The following BLM variants were observed in gnomAD, a reference collection of about 807,000 sequenced individuals.
BLM encodes the protein recQ-like DNA helicase BLM.
In BLM, 95 loss-of-function variants were observed where a neutral mutation model predicts 135.3. The observed-to-expected ratio is 0.70, with a 90% CI of 0.59 to 0.83. BLM has a LOEUF of 0.83. Among genes scored for constraint, BLM ranks in the 40% least tolerant of loss-of-function variants. The probability of loss-of-function intolerance (pLI) is 0.00; values close to 1 mark genes in which losing one functional copy is unlikely to be tolerated. For synonymous variants in BLM, 520 were observed against 589.2 expected (o/e 0.88, Z 1.70); for missense variants, 1,518 against 1,663.9 (o/e 0.91, Z 1.53).
At chr15:90,774,200 A>G (rs73498481) in intron 12 of BLM, among the ~76,000 whole-genome samples, 22,125 of 149,082 alleles carry the variant, frequency 0.15, 3,405 homozygotes, top group African/African-American at 0.39. Flanking sequence ...TCAGCCTCCC[A>G]AGTAGCTGGG....
intron 1 of BLM, among the ~76,000 whole-genome samples, chr15:90,731,892 G>C (rs904417351): frequency 6.6e-6 from 1 of 152,020 alleles, no homozygotes; most frequent in Non-Finnish European, 1.5e-5. Flanking sequence ...TAGAGATGAG[G>C]TTTCACCATG....
chr15:90,777,202 G>T (rs1295047722), intron 12 of BLM, among the ~76,000 whole-genome samples: 2 of 151,896 alleles, frequency 1.3e-5, no homozygotes, highest in East Asian at 3.9e-4. Flanking sequence ...CACTCTTGTT[G>T]CCCAGGCTGG....
chr15:90,785,753 G>A (rs28745031), intron 14 of BLM, among the ~76,000 whole-genome samples: 25,967 of 151,636 alleles, frequency 0.17, 2,288 homozygotes, highest in Non-Finnish European at 0.19. Context: ...AACTGGTCTC[G>A]AACTCCTGGC....
chr15:90,751,991 C>T (rs1264204410), intron 4 of BLM, 45 bp downstream of exon 4: 4 of 1,505,154 alleles, frequency 2.7e-6, no homozygotes, highest in Non-Finnish European at 3.7e-6. Context: ...TTCTGGGATA[C>T]TTTAAATTGT....
chr15:90,742,573 G>GT (rs1379301145), intron 1 of BLM, among the ~76,000 whole-genome samples: 1 of 151,524 alleles, frequency 6.6e-6, no homozygotes, highest in Non-Finnish European at 1.5e-5. Context: ...TTTCTGCTGT[G>GT]TTTTTCTCCA....
chr15:90,760,677 T>C lies in BLM; in HGVS notation c.1304T>C (p.Leu435Pro), dbSNP rs1315734510. Residue 435 changes from leucine to proline, a missense_variant, in exon 7 of 22, where the codon CTT (leucine) becomes CCT (proline). This residue lies in a region of BLM where 724 missense variants were observed against 756.9 expected (regional missense o/e 0.96). Coordinates refer to ENST00000355112, the MANE Select transcript of BLM (RefSeq NM_000057.4). ...TTGTGGAGATACAGGCCTGATTCAC[T>C]TGATGGCCCTATGGAGGGTGATTCC... ...GSLWRYRPDS[L>P]DGPMEGDSCP... 3 of 1,613,942 alleles carry C rather than the reference T, an allele frequency of 1.9e-6. No homozygotes were observed. Among genetic ancestry groups the C allele is most frequent in the East Asian group, 4.5e-5 (2 of 44,900 alleles).
At chr15:90,731,617 T>C (rs1191035271) in intron 1 of BLM, among the ~76,000 whole-genome samples, 1 of 152,146 alleles carries the variant, frequency 6.6e-6, no homozygotes, top group Non-Finnish European at 1.5e-5. Flanking sequence ...TTTTAAGGAA[T>C]GTGTCCATCT....
intron 12 of BLM, among the ~76,000 whole-genome samples, chr15:90,777,212 G>A (rs758946198): frequency 5.3e-5 from 8 of 151,914 alleles, no homozygotes; most frequent in African/African-American, 9.7e-5. Context: ...GCCCAGGCTG[G>A]AGTACAGTAG....
intron 1 of BLM, among the ~76,000 whole-genome samples, chr15:90,723,070 G>C (rs1354870720): frequency 6.6e-6 from 1 of 152,028 alleles, no homozygotes; most frequent in Non-Finnish European, 1.5e-5. Flanking sequence ...TTAAACTCCT[G>C]ACCTCAGGTA....
intron 14 of BLM, among the ~76,000 whole-genome samples, chr15:90,785,349 A>G (rs1009118998): frequency 2.0e-5 from 3 of 152,102 alleles, no homozygotes; most frequent in Non-Finnish European, 4.4e-5. Context: ...GCAAAGTTGT[A>G]CAATAATCAT....
At chr15:90,720,636 T>C (rs1005204405) in intron 1 of BLM, among the ~76,000 whole-genome samples, 1 of 151,918 alleles carries the variant, frequency 6.6e-6, no homozygotes, top group Admixed American at 6.6e-5. Flanking sequence ...TTTCTTTTCT[T>C]TTTTTTTGAG....
At chr15:90,808,972 GC>G (rs1272246563) in intron 19 of BLM, 164 bp from the exon 20 acceptor site, 1 of 873,526 alleles carries the variant, frequency 1.1e-6, no homozygotes, top group Non-Finnish European at 1.9e-6. Flanking sequence ...CCTGTCTGCT[GC>G]CTCTGAGGTG....
intron 17 of BLM, among the ~76,000 whole-genome samples, chr15:90,800,712 C>T (rs74412001): frequency 0.15 from 23,041 of 150,458 alleles, 1,872 homozygotes; most frequent in Non-Finnish European, 0.19. Context: ...GCCCACCCAA[C>T]GTAGAGAGAG....
chr15:90,815,018 T>C lies in BLM; in HGVS notation c.4077-84T>C, dbSNP rs979825415. ...ACACATTAGGCCCAGGGAAGTGGTATTGTAGCTCTGTGCAGGTTGAGAGGA... is the reference window on the plus strand; with the variant it reads ...ACACATTAGGCCCAGGGAAGTGGTACTGTAGCTCTGTGCAGGTTGAGAGGA... On this transcript the variant is annotated intron_variant, in intron 21 of 21. Coordinates refer to ENST00000355112, the MANE Select transcript of BLM (RefSeq NM_000057.4). This position sits in a 1 kb window ranked among gnomAD's most constrained non-coding sequence, Gnocchi z 4.6. 3 of 1,372,896 alleles carry C rather than the reference T, an allele frequency of 2.2e-6. No individual in the cohort carries two copies. The highest frequency in any genetic ancestry group is 1.5e-5 in the African/African-American group (1 of 67,302). The allele number at this position is 1,372,896 out of a possible 1,614,324, so 85.0% of individuals were successfully genotyped here.
rs775197136 is a variant in BLM at position 90,749,663 on chromosome 15, G to A, written c.395G>A (p.Arg132Gln). ...AACACACCAACTGTAAAGAAATCCC[G>A]GGATACTGCTCTCAAGAAATTAGAA... ...TQNTPTVKKS[R>Q]DTALKKLEFS... Residue 132 changes from arginine (R) to glutamine (Q), a missense_variant, in exon 3 of 22, where the codon CGG becomes CAG. Arg to Gln is a conservative substitution (Grantham distance 43). This residue lies in a region of BLM where 724 missense variants were observed against 756.9 expected (regional missense o/e 0.96). Transcript: ENST00000355112. 1.7e-5 allele frequency: 28 copies of A among 1,613,936 alleles called. No individual in the cohort carries two copies. Among genetic ancestry groups the A allele is most frequent in the Middle Eastern group, 1.6e-4 (1 of 6,084 alleles).
chr15:90,780,866 G>T lies in BLM; in HGVS notation c.2556-1956G>T, dbSNP rs564610387. On this transcript the variant is annotated intron_variant, in intron 12 of 21. Transcript: ENST00000355112. The stretch of plus-strand genomic sequence containing the variant: ...GAGTATTATAAGTAATCTAGAGATG[G>T]TTTAAAGTGTGCAGGAGGATGTGCA... 1.3e-3 allele frequency among the ~76,000 whole-genome samples: 199 copies of T among 152,300 alleles called. 2 individuals are homozygous for T. The highest frequency in any genetic ancestry group is 1.6e-3 in the Non-Finnish European group (106 of 68,026).
rs1897412964 is a variant in BLM, at chr15:90,811,304, A to G, written c.3974A>G (p.Tyr1325Cys). ...GAGGAAATACCCGTATCTTCCCACT[A>G]CTTTGCAAGTAAAACCAGAAATGAA... ...LDEEIPVSSH[Y>C]FASKTRNERK... Residue 1325 changes from tyrosine to cysteine, a missense_variant, in exon 21 of 22, where the codon TAC becomes TGC. Coordinates refer to ENST00000355112, the MANE Select transcript of BLM (RefSeq NM_000057.4). 4 of 1,614,052 alleles carry G rather than the reference A, an allele frequency of 2.5e-6. No homozygotes were observed. The South Asian group carries it at 4.4e-5, about 18-fold the overall frequency.
chr15:90,760,774 C>T lies in BLM; in HGVS notation c.1401C>T (p.Asp467=), dbSNP rs771486194. 6.2e-7 allele frequency: 1 copy of T among 1,613,892 alleles called. No homozygotes were observed. Among genetic ancestry groups the T allele is most frequent in the African/African-American group, 1.3e-5 (1 of 74,902 alleles). ...HLPSNSVSPG[D]CLLTTTLGKT... Reference sequence around the variant, plus strand: ...CCTCAAATTCTGTTTCTCCTGGGGACTGTTTACTGACTACCACCCTAGGAA... The same window carrying T: ...CCTCAAATTCTGTTTCTCCTGGGGATTGTTTACTGACTACCACCCTAGGAA... The change falls in exon 7 of 22, where the codon GAC becomes GAT. Residue 467 remains aspartate (D), a synonymous_variant. Coordinates refer to ENST00000355112, the MANE Select transcript of BLM (RefSeq NM_000057.4).
At chr15:90,787,187 C>T (rs1407188105) in intron 14 of BLM, among the ~76,000 whole-genome samples, 6 of 148,702 alleles carry the variant, frequency 4.0e-5, no homozygotes, top group Admixed American at 2.0e-4. Flanking sequence ...GTAGCTGGGA[C>T]TATAGGCACC....
Sources: allele counts gnomAD v4.1 joint callset (sites outside exome capture counted in the v4.1 genomes callset), GRCh38; gene constraint gnomAD v4.1.1; regional missense constraint gnomAD v4.1.1; non-coding constraint Gnocchi (gnomAD v3.1); transcripts MANE v1.5; gene names NCBI Gene and HGNC (gene_info 2026-07-23, HGNC 2026-07-21).